Variants in RNF146 observed in about 807,000 individuals in gnomAD.
The protein encoded by RNF146 is ring finger protein 146, also known as E3 ubiquitin-protein ligase RNF146.
In RNF146, 11 loss-of-function variants were observed where a neutral mutation model predicts 29.7. The observed-to-expected ratio is 0.37, with a 90% CI of 0.23 to 0.61. The LOEUF (loss-of-function observed/expected upper bound fraction) is 0.61. Among genes scored for constraint, RNF146 ranks in the 20% least tolerant of loss-of-function variants. RNF146 has a pLI of 0.66. For synonymous variants in RNF146, 150 were observed against 159.7 expected, an observed-to-expected ratio of 0.94 and a Z score of 0.46; for missense variants, 342 against 438.9, an observed-to-expected ratio of 0.78 and a Z score of 1.97.
At chr6:127,280,110 C>T (rs1778741610) in intron 1 of RNF146, 121 bp from the exon 2 acceptor site, 5 of 522,912 alleles carry the variant, frequency 9.6e-6, no homozygotes, top group Non-Finnish European at 1.4e-5. Context: ...GTGGTAAAAG[C>T]ATGCATCTTG....
chr6:127,282,916 C>T (rs1380056987), intron 2 of RNF146, among the ~76,000 whole-genome samples: 1 of 151,720 alleles, frequency 6.6e-6, no homozygotes, highest in Non-Finnish European at 1.5e-5. Flanking sequence ...TAAATTCAGA[C>T]TTTAAAAATC....
intron 1 of RNF146, among the ~76,000 whole-genome samples, chr6:127,277,059 A>C (rs1445233563): frequency 1.3e-5 from 2 of 152,084 alleles, no homozygotes; most frequent in Non-Finnish European, 2.9e-5. Context: ...AGGCTATTTA[A>C]ATAGGCTGAT....
At chr6:127,283,639 T>C (rs1327912686) in intron 2 of RNF146, among the ~76,000 whole-genome samples, 2 of 151,866 alleles carry the variant, frequency 1.3e-5, no homozygotes, top group African/African-American at 4.8e-5. Context: ...ATTTTATCTC[T>C]ATCTTACTTA....
Position 127,280,230 on chromosome 6 carries a change from G to T in RNF146, c.-108-1G>T. 1.9e-6 allele frequency: 2 copies of T among 1,034,514 alleles called. No individual in the cohort carries two copies. The highest frequency in any genetic ancestry group is 1.6e-5 in the African/African-American group (1 of 61,678). 64.1% of individuals were successfully genotyped at this position (1,034,514 alleles called of 1,614,324 possible). A position where few individuals can be genotyped will look rare whatever the true frequency, so the allele number is the denominator to read the frequency against. ...TTAATTACTCTTTTTTTCTTTTGCA[G>T]CACAAAGAATGAACCAGCAGTGGAA... On this transcript the variant is annotated splice_acceptor_variant, in intron 1 of 2. Transcript: ENST00000368314. LOFTEE classifies it low-confidence loss of function (5UTR_SPLICE).
Position 127,287,121 on chromosome 6 carries a change from A to G in RNF146, c.508A>G (p.Ile170Val). ...HGRRRKIKRD[I>V]IDIPKKGVAG... is the part of the protein sequence containing the mutation. ...ACGTCGCAGGAAGATTAAGCGAGAT[A>G]TAATAGATATACCAAAGAAGGGAGT... The change falls in exon 3 of 3, where the codon ATA becomes GTA. Residue 170 changes from isoleucine (I) to valine (V), a missense_variant. Around this residue, in one of 6 missense-constraint regions of RNF146, gnomAD observed 28 missense variants for 40.7 expected, o/e 0.69. Coordinates refer to ENST00000368314, the MANE Select transcript of RNF146 (RefSeq NM_001242850.2). The G allele has an allele frequency of 6.2e-7, 1 of 1,613,380 alleles. No individual in the cohort carries two copies. The highest frequency in any genetic ancestry group is 1.1e-5 in the South Asian group (1 of 91,074).
rs1012273525 is a variant in RNF146, at chr6:127,287,492, T to G, written c.879T>G (p.Ser293Arg). 1 of 1,613,226 alleles carries G rather than the reference T, an allele frequency of 6.2e-7. No homozygotes were observed. Among genetic ancestry groups the G allele is most frequent in the African/African-American group, 1.3e-5 (1 of 74,892 alleles). ...TSIEETESDA[S>R]SDSEDVSAVV... ...TTGAAGAAACTGAATCAGATGCCAG[T>G]AGTGATAGTGAGGATGTATCTGCAG... The change falls in exon 3 of 3, where the codon AGT (serine) becomes AGG (arginine). Residue 293 changes from serine to arginine, a missense_variant. Physicochemically the swap from Ser to Arg is moderately radical, Grantham distance 110. Coordinates refer to ENST00000368314, the MANE Select transcript of RNF146 (RefSeq NM_001242850.2).
Position 127,286,741 on chromosome 6 carries a change from CAT to C in RNF146, c.129_130del (p.Val45SerfsTer8), listed in dbSNP as rs748360631. 10 of 1,613,352 alleles carry C rather than the reference CAT, an allele frequency of 6.2e-6. No homozygotes were observed. The highest frequency in any genetic ancestry group is 2.2e-5 in the East Asian group (1 of 44,838). Reference sequence around the variant, plus strand: ...CCTGAATGTGCCATTTGTCTGCAAACATGTGTTCATCCAGTCAGTCTGCCCTG... The same window carrying C: ...CCTGAATGTGCCATTTGTCTGCAAACGTGTTCATCCAGTCAGTCTGCCCTG... On this transcript the variant is annotated frameshift_variant, in exon 3 of 3. Transcript: ENST00000368314. LOFTEE classifies it high-confidence loss of function. The surrounding 1 kb of genome is among the most constrained non-coding windows in gnomAD (Gnocchi z 4.6).
Position 127,282,422 on chromosome 6 carries a change from A to G in RNF146, c.2+2082A>G, listed in dbSNP as rs543173743. 4.0e-5 allele frequency: 6 copies of G among 151,748 alleles called. No homozygotes were observed. In the South Asian group the frequency reaches 1.2e-3, roughly 31 times the overall value. 9.4% of individuals were successfully genotyped at this position (151,748 alleles called of 1,614,324 possible). On this transcript the variant is annotated intron_variant, in intron 2 of 2. Transcript: ENST00000368314. ...TGAGTCACCAGACTTTTTTCAGCTC[A>G]GATTTATTCTTGGAGTATCAAACTA...
At chr6:127,277,291 G>A (rs1255893983) in intron 1 of RNF146, among the ~76,000 whole-genome samples, 1 of 151,934 alleles carries the variant, frequency 6.6e-6, no homozygotes, top group Non-Finnish European at 1.5e-5. Context: ...GTTTGGCGTA[G>A]GCTGCAGCAA....
chr6:127,276,376 G>T (rs746698737), intron 1 of RNF146, among the ~76,000 whole-genome samples: 24 of 151,986 alleles, frequency 1.6e-4, no homozygotes, highest in Non-Finnish European at 2.4e-4. Context: ...TGGTTGGGGT[G>T]GGGGAGCAGG....
chr6:127,267,270 G>A (rs1322715037), intron 1 of RNF146, among the ~76,000 whole-genome samples: 1 of 152,056 alleles, frequency 6.6e-6, no homozygotes, highest in Non-Finnish European at 1.5e-5. Flanking sequence ...GTGACGGCCG[G>A]AGCTGGTCTC....
chr6:127,277,365 G>C (rs960908768), intron 1 of RNF146, among the ~76,000 whole-genome samples: 1 of 152,024 alleles, frequency 6.6e-6, no homozygotes, highest in African/African-American at 2.4e-5. Context: ...TGGTGAAAGG[G>C]TTGAGAGGAA....
intron 2 of RNF146, chr6:127,285,902 C>T (rs1279485730): frequency 4.4e-6 from 2 of 454,384 alleles, no homozygotes; most frequent in Non-Finnish European, 7.0e-6. Flanking sequence ...TATCTTTAGA[C>T]CCATCAGTAC....
At chr6:127,269,856 C>T (rs1225639222) in intron 1 of RNF146, among the ~76,000 whole-genome samples, 1 of 151,976 alleles carries the variant, frequency 6.6e-6, no homozygotes, top group Admixed American at 6.5e-5. Context: ...TTCTTTCTGT[C>T]ACTGAGTGAT....
At chr6:127,284,343 GT>G (rs1489620947) in intron 2 of RNF146, among the ~76,000 whole-genome samples, 4 of 151,752 alleles carry the variant, frequency 2.6e-5, no homozygotes, top group Admixed American at 2.6e-4. Flanking sequence ...TGTTGCTGTT[GT>G]TTTTCCAAAG....
At chr6:127,285,592 C>A (rs1441201513) in intron 2 of RNF146, among the ~76,000 whole-genome samples, 1 of 137,366 alleles carries the variant, frequency 7.3e-6, no homozygotes, top group Non-Finnish European at 1.5e-5. Flanking sequence ...GGCACAATAA[C>A]ACAATAAGGC....
At chr6:127,276,392 G>A (rs1181088924) in intron 1 of RNF146, among the ~76,000 whole-genome samples, 1 of 152,004 alleles carries the variant, frequency 6.6e-6, no homozygotes, top group Admixed American at 6.6e-5. Flanking sequence ...GCAGGGGGCT[G>A]TGTGGTGAGA....
At chr6:127,273,760 TAGAA>T (rs917308541) in intron 1 of RNF146, among the ~76,000 whole-genome samples, 17 of 151,196 alleles carry the variant, frequency 1.1e-4, no homozygotes, top group Admixed American at 8.6e-4. Flanking sequence ...AGGCCAGAAT[TAGAA>T]AAAAAAAAAT....
chr6:127,271,552 T>C (rs1452611164), intron 1 of RNF146, among the ~76,000 whole-genome samples: 1 of 152,200 alleles, frequency 6.6e-6, no homozygotes, highest in Non-Finnish European at 1.5e-5. Flanking sequence ...AAGATTAATA[T>C]GCAAGACATT....
Sources: allele counts gnomAD v4.1 joint callset (sites outside exome capture counted in the v4.1 genomes callset), GRCh38; gene constraint gnomAD v4.1.1; regional missense constraint gnomAD v4.1.1; non-coding constraint Gnocchi (gnomAD v3.1); transcripts MANE v1.5; gene names NCBI Gene and HGNC (gene_info 2026-07-23, HGNC 2026-07-21).